The following PAK5 variants were observed in gnomAD, a reference collection of about 807,000 sequenced individuals.
PAK5 encodes the protein p21 (RAC1) activated kinase 5.
Under a neutral mutation model 65.9 loss-of-function variants are expected in PAK5, and 16 were observed. That is an observed-to-expected ratio of 0.24 (90% CI 0.16 to 0.37). The LOEUF (loss-of-function observed/expected upper bound fraction) is 0.37, where lower values mean the gene tolerates loss of function less well. PAK5 is among the 10% of genes least tolerant of loss of function. The pLI is 1.00. For synonymous variants in PAK5, 371 were observed against 354.9 expected (o/e 1.05, Z -0.51); for missense variants, 785 against 903.9 (o/e 0.87, Z 1.69).
At chr20:9,773,015 C>G (rs78031251) in intron 1 of PAK5, among the ~76,000 whole-genome samples, 3,133 of 152,244 alleles carry the variant, frequency 0.021, 102 homozygotes, top group African/African-American at 0.07. Flanking sequence ...GAGATAAATC[C>G]TCATGATGAG....
intron 1 of PAK5, among the ~76,000 whole-genome samples, chr20:9,745,901 G>A (rs997277447): frequency 1.3e-5 from 2 of 152,006 alleles, no homozygotes; most frequent in African/African-American, 4.8e-5. Context: ...TATGAATCCA[G>A]TTTGGTGGAA....
chr20:9,697,143 C>T (rs1437226690), intron 2 of PAK5, among the ~76,000 whole-genome samples: 2 of 152,024 alleles, frequency 1.3e-5, no homozygotes, highest in African/African-American at 2.4e-5. Flanking sequence ...TCTAAACATT[C>T]ATTTAGAGAA....
intron 3 of PAK5, among the ~76,000 whole-genome samples, chr20:9,606,232 C>T (rs551408747): frequency 2.0e-5 from 3 of 152,258 alleles, no homozygotes; most frequent in African/African-American, 4.8e-5. Context: ...CACCTCCTGC[C>T]GCCCTCTCTT....
At chr20:9,629,992 G>A (rs138932885) in intron 3 of PAK5, among the ~76,000 whole-genome samples, 14 of 152,290 alleles carry the variant, frequency 9.2e-5, no homozygotes, top group African/African-American at 1.4e-4. Flanking sequence ...TGTGAAGTTC[G>A]GTGAAATAGT....
intron 1 of PAK5, among the ~76,000 whole-genome samples, chr20:9,785,983 AG>A (rs2048988781): frequency 6.6e-6 from 1 of 152,074 alleles, no homozygotes. Flanking sequence ...GCACTGCTCT[AG>A]GGGGCTTCAC....
At chr20:9,815,622 A>C (rs2049347950) in intron 1 of PAK5, among the ~76,000 whole-genome samples, 1 of 152,046 alleles carries the variant, frequency 6.6e-6, no homozygotes, top group Non-Finnish European at 1.5e-5. Context: ...TGTGTTCTGA[A>C]TTTTCTGCTT....
rs1041390453 is a variant in PAK5 at position 9,612,747 on chromosome 20, C to T, written c.204+31378G>A. On this transcript the variant is annotated intron_variant, in intron 3 of 9. Transcript: ENST00000353224. ...CCAAACCATATCACCCAGCTACCCC[C>T]AGAGGCGCTCCCTCAACCCATTCTC... Among the ~76,000 whole-genome samples, 9 of 152,224 alleles carry T rather than the reference C, an allele frequency of 5.9e-5. No homozygotes were observed. The South Asian group carries it at 1.9e-3, about 32-fold the overall frequency.
At chr20:9,809,611 T>C (rs998065041) in intron 1 of PAK5, among the ~76,000 whole-genome samples, 2 of 152,196 alleles carry the variant, frequency 1.3e-5, no homozygotes, top group Non-Finnish European at 2.9e-5. Context: ...GCTGTCATTA[T>C]AGTTTTTTTA....
At chr20:9,733,256 T>C (rs35722040) in intron 1 of PAK5, among the ~76,000 whole-genome samples, 1 of 152,364 alleles carries the variant, frequency 6.6e-6, no homozygotes, top group African/African-American at 2.4e-5. Context: ...AATATTGATG[T>C]TGAGATGAGA....
At chr20:9,618,906 CTT>C (rs1398810374) in intron 3 of PAK5, among the ~76,000 whole-genome samples, 4 of 54,316 alleles carry the variant, frequency 7.4e-5, no homozygotes, top group East Asian at 4.9e-4. Context: ...TTTTCTCTCT[CTT>C]TCTTTCGTTT....
chr20:9,699,442 T>G (rs956573651), intron 2 of PAK5, among the ~76,000 whole-genome samples: 1 of 151,602 alleles, frequency 6.6e-6, no homozygotes, highest in Non-Finnish European at 1.5e-5. Context: ...TTCCTAGTAG[T>G]AGAGAAATAG....
intron 2 of PAK5, among the ~76,000 whole-genome samples, chr20:9,654,742 C>T (rs1332953967): frequency 6.6e-6 from 1 of 152,142 alleles, no homozygotes; most frequent in Non-Finnish European, 1.5e-5. Flanking sequence ...TAAATTCCTT[C>T]TCCCTTTCAT....
At chr20:9,809,104 G>T (rs1326104969) in intron 1 of PAK5, among the ~76,000 whole-genome samples, 1 of 151,996 alleles carries the variant, frequency 6.6e-6, no homozygotes, top group Non-Finnish European at 1.5e-5. Context: ...AGGGAGATGG[G>T]TGCCCTTGCC....
rs999981164 is a variant in PAK5, at chr20:9,780,311, G to A, written c.-162+58451C>T. ...GACATAATAGGGTGCAATTTGGAAA[G>A]TTAGGCCAAAATTTACCAAGGAAAA... On this transcript the variant is annotated intron_variant, in intron 1 of 9. Transcript: ENST00000353224. Among the ~76,000 whole-genome samples, 5 of 151,084 alleles carry A rather than the reference G, an allele frequency of 3.3e-5. No individual in the cohort carries two copies. The South Asian group carries it at 8.3e-4, about 25-fold the overall frequency.
intron 4 of PAK5, among the ~76,000 whole-genome samples, chr20:9,576,523 T>C (rs909170107): frequency 2.6e-5 from 4 of 152,064 alleles, no homozygotes; most frequent in African/African-American, 4.8e-5. Context: ...AATTACTAGG[T>C]CCAAAATGTT....
At chr20:9,743,487 C>G (rs1485871353) in intron 1 of PAK5, among the ~76,000 whole-genome samples, 1 of 152,012 alleles carries the variant, frequency 6.6e-6, no homozygotes, top group Non-Finnish European at 1.5e-5. Flanking sequence ...ACTGAACTAA[C>G]TTGTATCAGA....
rs139230349 is a variant in PAK5, at chr20:9,776,860, T to C, written c.-162+61902A>G. On this transcript the variant is annotated intron_variant, in intron 1 of 9. Transcript: ENST00000353224. ...AGCTAAGTTGCTCTTGAATTTCTGA[T>C]CCATAGAAACTATGGGATAAGAAAT... is the stretch of plus-strand genomic sequence containing the variant. Among the ~76,000 whole-genome samples, 572 of 152,274 alleles carry C rather than the reference T, an allele frequency of 3.8e-3. 1 individual carries two copies. The highest frequency in any genetic ancestry group is 0.01 in the Middle Eastern group (3 of 294).
At position 9,538,952 on chromosome 20, in the gene PAK5, C is replaced by T. The variant is rs2045212969; in HGVS notation, c.*510G>A. The T allele has an allele frequency of 4.3e-6, 1 of 233,236 alleles. No individual in the cohort carries two copies. The highest frequency in any genetic ancestry group is 5.6e-5 in the Admixed American group (1 of 17,790). 14.4% of individuals were successfully genotyped at this position (233,236 alleles called of 1,614,324 possible). A position where few individuals can be genotyped will look rare whatever the true frequency, so the allele number is the denominator to read the frequency against. ...CTCCTCTAGTAAACAAGTATTACTT[C>T]AACTGATACAATGGCTACATGACAT... On this transcript the variant is annotated 3_prime_UTR_variant, in exon 10 of 10. Coordinates refer to ENST00000353224, the MANE Select transcript of PAK5 (RefSeq NM_177990.4).
At chr20:9,702,418 C>A (rs549298002) in intron 2 of PAK5, among the ~76,000 whole-genome samples, 1 of 152,220 alleles carries the variant, frequency 6.6e-6, no homozygotes. Context: ...CCCAGAGCCC[C>A]AGATGACCAA....
Sources: allele counts gnomAD v4.1 joint callset (sites outside exome capture counted in the v4.1 genomes callset), GRCh38; gene constraint gnomAD v4.1.1; transcripts MANE v1.5; gene names NCBI Gene and HGNC (gene_info 2026-07-23, HGNC 2026-07-21).